The following GRID2 variants were observed in gnomAD, a reference collection of about 807,000 sequenced individuals.
The protein encoded by GRID2 is glutamate receptor ionotropic, delta-2.
A neutral mutation model predicts 114.8 loss-of-function variants in GRID2; 33 were observed. That is an observed-to-expected ratio of 0.29 (90% CI 0.22 to 0.38). The LOEUF (loss-of-function observed/expected upper bound fraction) is 0.38. Ranked by LOEUF, GRID2 falls within the 10% of genes least tolerant of loss-of-function variation. The pLI, the probability that GRID2 is intolerant of heterozygous loss-of-function variation, is 1.00. For missense variants in GRID2, 1,184 were observed against 1,257.7 expected, an observed-to-expected ratio of 0.94 and a Z score of 0.89; for synonymous variants, 505 against 449.9, an observed-to-expected ratio of 1.12 and a Z score of -1.55.
At chr4:92,946,306 A>C (rs1167571384) in intron 2 of GRID2, among the ~76,000 whole-genome samples, 4 of 152,044 alleles carry the variant, frequency 2.6e-5, no homozygotes, top group African/African-American at 7.2e-5. Context: ...TTATTTGACT[A>C]TTCTATTCCT....
intron 12 of GRID2, among the ~76,000 whole-genome samples, chr4:93,503,842 T>A (rs1158540177): frequency 6.6e-6 from 1 of 152,060 alleles, no homozygotes; most frequent in Non-Finnish European, 1.5e-5. Flanking sequence ...TTAAAAAAAA[T>A]ATTTATTTTG....
At chr4:93,049,298 G>T (rs1017255973) in intron 2 of GRID2, among the ~76,000 whole-genome samples, 8 of 152,058 alleles carry the variant, frequency 5.3e-5, no homozygotes, top group Non-Finnish European at 7.4e-5. Flanking sequence ...AAATAAAAAT[G>T]CAAGACCCTC....
intron 3 of GRID2, among the ~76,000 whole-genome samples, chr4:93,106,680 T>A (rs946169199): frequency 1.3e-5 from 2 of 152,220 alleles, no homozygotes; most frequent in Non-Finnish European, 2.9e-5. Flanking sequence ...TGGCTCTGAA[T>A]CTTCTCTCAT....
chr4:92,861,677 T>C (rs1368504434), intron 2 of GRID2, among the ~76,000 whole-genome samples: 1 of 152,018 alleles, frequency 6.6e-6, no homozygotes, highest in Non-Finnish European at 1.5e-5. Context: ...AACCCTTCCC[T>C]GGACTACACA....
intron 1 of GRID2, among the ~76,000 whole-genome samples, chr4:92,495,124 A>G (rs1723325680): frequency 6.6e-6 from 1 of 151,988 alleles, no homozygotes. Flanking sequence ...TTTCCAGTCA[A>G]GCAAAACCAG....
chr4:93,043,914 TA>T (rs1156717810), intron 2 of GRID2, among the ~76,000 whole-genome samples: 2 of 150,836 alleles, frequency 1.3e-5, no homozygotes, highest in African/African-American at 4.9e-5. Context: ...AAAGTATAAT[TA>T]AAAATATATA....
intron 4 of GRID2, among the ~76,000 whole-genome samples, chr4:93,189,768 CCA>C (rs1371686182): frequency 3.6e-5 from 4 of 110,634 alleles, no homozygotes; most frequent in Non-Finnish European, 7.3e-5. Flanking sequence ...CACCACCACA[CCA>C]CACCACACAC....
chr4:93,120,388 A>G (rs893465208), intron 4 of GRID2, among the ~76,000 whole-genome samples: 4 of 152,334 alleles, frequency 2.6e-5, no homozygotes, highest in Middle Eastern at 3.4e-3. Context: ...AGTGTGGCAC[A>G]TATACACCAT....
At chr4:93,331,135 C>G (rs1003483270) in intron 8 of GRID2, among the ~76,000 whole-genome samples, 3 of 147,892 alleles carry the variant, frequency 2.0e-5, no homozygotes, top group East Asian at 4.1e-4. Context: ...AACCCCCCCC[C>G]CATTTCACTC....
intron 8 of GRID2, among the ~76,000 whole-genome samples, chr4:93,275,347 C>T (rs910080269): frequency 2.6e-5 from 4 of 151,532 alleles, no homozygotes; most frequent in African/African-American, 9.7e-5. Context: ...TTCCGCTTTT[C>T]CTCCATTATG....
At chr4:92,538,983 A>G (rs1042217032) in intron 1 of GRID2, among the ~76,000 whole-genome samples, 1 of 151,164 alleles carries the variant, frequency 6.6e-6, no homozygotes, top group Admixed American at 6.6e-5. Context: ...CGCAGCTTGC[A>G]GTGAGCCGAG....
intron 1 of GRID2, among the ~76,000 whole-genome samples, chr4:92,332,295 C>T (rs1248932329): frequency 2.6e-5 from 4 of 152,144 alleles, no homozygotes; most frequent in South Asian, 2.1e-4. Flanking sequence ...ACAGGGCATT[C>T]GTGAGAGAAC....
intron 2 of GRID2, among the ~76,000 whole-genome samples, chr4:92,854,321 G>A (rs1180632854): frequency 1.3e-5 from 2 of 152,004 alleles, no homozygotes; most frequent in Non-Finnish European, 2.9e-5. Flanking sequence ...CTTACATTTA[G>A]GAGAAAACAT....
chr4:92,478,055 T>C (rs1722403190), intron 1 of GRID2, among the ~76,000 whole-genome samples: 1 of 151,780 alleles, frequency 6.6e-6, no homozygotes, highest in Non-Finnish European at 1.5e-5. Flanking sequence ...GAAATTGATC[T>C]AAATAACATT....
At chr4:92,315,653 C>T (rs1040732854) in intron 1 of GRID2, among the ~76,000 whole-genome samples, 4 of 151,932 alleles carry the variant, frequency 2.6e-5, no homozygotes, top group Admixed American at 2.6e-4. Context: ...CAGGTAATAC[C>T]TTAGTAGCTT....
intron 2 of GRID2, among the ~76,000 whole-genome samples, chr4:92,635,484 C>A (rs1227529461): frequency 6.6e-6 from 1 of 151,690 alleles, no homozygotes. Context: ...AGGTGTTATT[C>A]GGAAAGTTTT....
rs188727804 is a variant in GRID2 at position 92,316,421 on chromosome 4, A to G, written c.88+11677A>G. Reference sequence around the variant, plus strand: ...TCATGGTGAGTTTTGGACATTTTCTATAATCCATTAATTTCAAGCTGAGAA... The same window carrying G: ...TCATGGTGAGTTTTGGACATTTTCTGTAATCCATTAATTTCAAGCTGAGAA... On this transcript the variant is annotated intron_variant, in intron 1 of 15. Transcript: ENST00000282020. 3.3e-5 allele frequency among the ~76,000 whole-genome samples: 5 copies of G among 152,252 alleles called. No individual in the cohort carries two copies. In the East Asian group the frequency reaches 9.6e-4, roughly 29 times the overall value.
At chr4:93,239,252 TA>T (rs1261066805) in intron 8 of GRID2, among the ~76,000 whole-genome samples, 1 of 148,578 alleles carries the variant, frequency 6.7e-6, no homozygotes, top group East Asian at 2.0e-4. Flanking sequence ...GGTAGGGAAA[TA>T]AATCATATAT....
chr4:93,754,897 A>G (rs1010238472), intron 14 of GRID2, among the ~76,000 whole-genome samples: 2 of 152,228 alleles, frequency 1.3e-5, no homozygotes, highest in African/African-American at 4.8e-5. Context: ...CTATTTCTGA[A>G]TAAAGAGACC....
Sources: allele counts gnomAD v4.1 joint callset (sites outside exome capture counted in the v4.1 genomes callset), GRCh38; gene constraint gnomAD v4.1.1; transcripts MANE v1.5; gene names NCBI Gene and HGNC (gene_info 2026-07-23, HGNC 2026-07-21).